CEP128: variants seen among roughly 807,000 people sequenced by gnomAD.
The protein encoded by CEP128 is centrosomal protein 128kDa.
A neutral mutation model predicts 156.7 loss-of-function variants in CEP128; 132 were observed. That is an observed-to-expected ratio of 0.84 (90% CI 0.73 to 0.97). The LOEUF is 0.97. CEP128 is among the 50% of genes least tolerant of loss of function. The pLI is 0.00. For missense variants in CEP128, 1,252 were observed against 1,281.9 expected, an observed-to-expected ratio of 0.98 and a Z score of 0.36; for synonymous variants, 469 against 448.9, an observed-to-expected ratio of 1.04 and a Z score of -0.57.
At chr14:80,625,597 CAT>C (rs1233009168) in intron 19 of CEP128, among the ~76,000 whole-genome samples, 1 of 152,030 alleles carries the variant, frequency 6.6e-6, no homozygotes, top group African/African-American at 2.4e-5. Flanking sequence ...CTTGGGATGT[CAT>C]TCCATTTTTT....
downstream of CEP128, among the ~76,000 whole-genome samples, chr14:80,487,156 G>A (rs1297569102): frequency 6.6e-6 from 1 of 151,916 alleles, no homozygotes; most frequent in African/African-American, 2.4e-5. Flanking sequence ...ACACACATAG[G>A]CTCAAAATAA....
chr14:80,660,001 T>A (rs887541028), intron 19 of CEP128, among the ~76,000 whole-genome samples: 1 of 152,164 alleles, frequency 6.6e-6, no homozygotes, highest in Non-Finnish European at 1.5e-5. Context: ...GAACAGTATG[T>A]GGTAAAGCCT....
At chr14:80,625,783 T>A (rs986009430) in intron 19 of CEP128, among the ~76,000 whole-genome samples, 4 of 151,872 alleles carry the variant, frequency 2.6e-5, no homozygotes, top group Non-Finnish European at 5.9e-5. Context: ...TCCTCTCTTT[T>A]CCTTCTTTCC....
At chr14:80,594,310 C>G (rs1338863729) in intron 19 of CEP128, among the ~76,000 whole-genome samples, 2 of 152,104 alleles carry the variant, frequency 1.3e-5, no homozygotes, top group Non-Finnish European at 2.9e-5. Flanking sequence ...ACACATTATA[C>G]AAAAATTAAC....
chr14:80,817,148 A>T (rs576587897), intron 13 of CEP128, among the ~76,000 whole-genome samples: 1 of 152,330 alleles, frequency 6.6e-6, no homozygotes, highest in Non-Finnish European at 1.5e-5. Flanking sequence ...ATGATGGAGA[A>T]GTGACATCAG....
chr14:80,556,825 G>C (rs1890457997), intron 21 of CEP128, among the ~76,000 whole-genome samples: 1 of 152,132 alleles, frequency 6.6e-6, no homozygotes, highest in African/African-American at 2.4e-5. Context: ...TGACTTGGGA[G>C]AGAATAATAA....
intron 2 of CEP128, among the ~76,000 whole-genome samples, chr14:80,926,073 G>T (rs1342383147): frequency 3.3e-5 from 5 of 152,176 alleles, no homozygotes; most frequent in Admixed American, 3.3e-4. Context: ...GTCACAGGTT[G>T]AGAGAAGCTC....
At chr14:80,914,247 A>T in intron 4 of CEP128, 75 bp downstream of exon 4, 1 of 1,005,490 alleles carries the variant, frequency 9.9e-7, no homozygotes, top group Non-Finnish European at 1.6e-6. Context: ...CCTTTAGCTC[A>T]CAGCCCCATT....
chr14:80,699,063 C>A (rs1184212335), intron 19 of CEP128, among the ~76,000 whole-genome samples: 1 of 152,160 alleles, frequency 6.6e-6, no homozygotes, highest in Non-Finnish European at 1.5e-5. Context: ...CAGAGCTCTA[C>A]TTGTGAACAT....
chr14:80,768,928 T>G (rs1708319820), intron 16 of CEP128, among the ~76,000 whole-genome samples: 1 of 152,194 alleles, frequency 6.6e-6, no homozygotes, highest in Non-Finnish European at 1.5e-5. Flanking sequence ...AAATTAATAT[T>G]CAAAGTTGAA....
intron 6 of CEP128, 123 bp downstream of exon 6, chr14:80,904,690 A>G (rs969140795): frequency 1.5e-6 from 1 of 678,222 alleles, no homozygotes. Context: ...AGGGATCAGT[A>G]TAAAGTTACT....
At chr14:80,570,113 A>G (rs1891075465) in intron 20 of CEP128, among the ~76,000 whole-genome samples, 1 of 152,036 alleles carries the variant, frequency 6.6e-6, no homozygotes, top group South Asian at 2.1e-4. Flanking sequence ...CTTTTAACAT[A>G]TGTTCTTTTT....
At chr14:80,504,865 T>C (rs1301470347) in intron 24 of CEP128, 47 bp downstream of exon 24, 2 of 1,042,460 alleles carry the variant, frequency 1.9e-6, no homozygotes, top group African/African-American at 3.2e-5. Context: ...ATGTGTTGCA[T>C]TTTCTTAAAT....
At chr14:80,479,847 CT>C (rs1887016869) in intron 14 of CEP128, among the ~76,000 whole-genome samples, 2 of 152,224 alleles carry the variant, frequency 1.3e-5, no homozygotes, top group African/African-American at 4.8e-5. Flanking sequence ...AAGCTAGTTA[CT>C]TCCTAGATAC....
chr14:80,584,823 C>T (rs1443719503), intron 19 of CEP128, among the ~76,000 whole-genome samples: 1 of 152,170 alleles, frequency 6.6e-6, no homozygotes, highest in Non-Finnish European at 1.5e-5. Flanking sequence ...GGCTGCTCTG[C>T]TCTTCTTATC....
chr14:80,840,650 T>C, intron 10 of CEP128, 32 bp downstream of exon 10: 1 of 1,430,864 alleles, frequency 7.0e-7, no homozygotes, highest in South Asian at 1.2e-5. Flanking sequence ...CAAACCACTT[T>C]ATTCTTTGAA....
intron 9 of CEP128, among the ~76,000 whole-genome samples, chr14:80,851,747 A>G (rs1290953293): frequency 6.6e-6 from 1 of 152,092 alleles, no homozygotes; most frequent in Non-Finnish European, 1.5e-5. Flanking sequence ...AGATAAAGTT[A>G]TTTTTAACAA....
At chr14:80,921,953 C>T (rs1884889958) in intron 2 of CEP128, among the ~76,000 whole-genome samples, 1 of 148,896 alleles carries the variant, frequency 6.7e-6, no homozygotes, top group African/African-American at 2.5e-5. Context: ...ACAACCGAGA[C>T]TCCATCCCAA....
At chr14:80,602,192 A>G (rs1366756518) in intron 19 of CEP128, among the ~76,000 whole-genome samples, 8 of 152,324 alleles carry the variant, frequency 5.3e-5, no homozygotes, top group Admixed American at 3.9e-4. Flanking sequence ...AAAACACATG[A>G]CAGAAAAATG....
Sources: gnomAD v4.1 joint callset for allele counts (sites outside exome capture counted in the v4.1 genomes callset) on GRCh38, gnomAD v4.1.1 for gene constraint, MANE v1.5 for transcripts, NCBI Gene and HGNC (gene_info 2026-07-23, HGNC 2026-07-21) for gene names.